The following PTPRD variants were observed in gnomAD, a reference collection of about 807,000 sequenced individuals.
PTPRD encodes protein tyrosine phosphatase receptor type D.
A neutral mutation model predicts 214.5 loss-of-function variants in PTPRD; 34 were observed. That is an observed-to-expected ratio of 0.16 (90% CI 0.12 to 0.21). PTPRD has a LOEUF of 0.21. Ranked by LOEUF, PTPRD falls within the 10% of genes least tolerant of loss-of-function variation. The pLI, the probability that PTPRD is intolerant of heterozygous loss-of-function variation, is 1.00. For missense variants in PTPRD, 2,545 were observed against 2,398.7 expected (o/e 1.06, Z -1.27); for synonymous variants, 1,128 against 845.7 (o/e 1.33, Z -5.79).
chr9:8,384,727 T>C (rs927109520), intron 37 of PTPRD, among the ~76,000 whole-genome samples: 2 of 152,150 alleles, frequency 1.3e-5, no homozygotes, highest in Non-Finnish European at 2.9e-5. Context: ...GGTTTTTCCT[T>C]GTTGGTCACG....
chr9:10,178,434 G>A (rs1479521671), intron 3 of PTPRD, among the ~76,000 whole-genome samples: 1 of 151,818 alleles, frequency 6.6e-6, no homozygotes, highest in Non-Finnish European at 1.5e-5. Flanking sequence ...AAAGAAGAGA[G>A]GAGCCAAATT....
intron 39 of PTPRD, among the ~76,000 whole-genome samples, chr9:8,345,279 C>T (rs1307420717): frequency 6.6e-6 from 1 of 152,036 alleles, no homozygotes; most frequent in African/African-American, 2.4e-5. Context: ...GGGAACTGCC[C>T]TGAAGTCCTA....
chr9:8,872,494 A>T (rs1397049871), intron 11 of PTPRD, among the ~76,000 whole-genome samples: 11 of 152,200 alleles, frequency 7.2e-5, no homozygotes, highest in Admixed American at 7.2e-4. Flanking sequence ...CACAATAAAG[A>T]AAACAGCTTT....
At chr9:9,515,189 A>G (rs1278465410) in intron 8 of PTPRD, among the ~76,000 whole-genome samples, 1 of 152,090 alleles carries the variant, frequency 6.6e-6, no homozygotes, top group African/African-American at 2.4e-5. Flanking sequence ...AGTCTTTTGT[A>G]AACACTTCAA....
chr9:9,721,530 A>T (rs933747412), intron 7 of PTPRD, among the ~76,000 whole-genome samples: 2 of 152,162 alleles, frequency 1.3e-5, no homozygotes, highest in African/African-American at 4.8e-5. Flanking sequence ...AGGATTTTTT[A>T]CTTTAATTCC....
At chr9:8,520,033 G>C (rs2097858001) in intron 20 of PTPRD, among the ~76,000 whole-genome samples, 2 of 152,126 alleles carry the variant, frequency 1.3e-5, no homozygotes, top group African/African-American at 4.8e-5. Flanking sequence ...AATGAAATTT[G>C]TTTAAATATT....
intron 12 of PTPRD, among the ~76,000 whole-genome samples, chr9:8,667,331 C>T (rs977196169): frequency 7.2e-5 from 11 of 152,158 alleles, no homozygotes; most frequent in Admixed American, 2.0e-4. Flanking sequence ...AAGAGCAAAA[C>T]GTCGTCTCTA....
chr9:8,951,714 C>T (rs1283711862), intron 11 of PTPRD, among the ~76,000 whole-genome samples: 1 of 151,990 alleles, frequency 6.6e-6, no homozygotes, highest in African/African-American at 2.4e-5. Flanking sequence ...CTTTCAGATA[C>T]AGTACATCCA....
chr9:9,980,847 T>C (rs987529970), intron 4 of PTPRD, among the ~76,000 whole-genome samples: 1 of 106,534 alleles, frequency 9.4e-6, no homozygotes, highest in African/African-American at 3.3e-5. Flanking sequence ...GGAGTTTAAA[T>C]GTTCAAGCTT....
At chr9:10,270,143 A>G (rs80335615) in intron 3 of PTPRD, among the ~76,000 whole-genome samples, 12,538 of 152,234 alleles carry the variant, frequency 0.082, 848 homozygotes, top group African/African-American at 0.18. Flanking sequence ...GTCAACAAGT[A>G]TACATAAACT....
intron 2 of PTPRD, among the ~76,000 whole-genome samples, chr9:10,414,713 A>G (rs2098470635): frequency 6.6e-6 from 1 of 152,010 alleles, no homozygotes; most frequent in Non-Finnish European, 1.5e-5. Flanking sequence ...GATAGATGGG[A>G]TAAAGAAAAT....
At chr9:9,219,667 C>G (rs1160237517) in intron 9 of PTPRD, among the ~76,000 whole-genome samples, 2 of 152,128 alleles carry the variant, frequency 1.3e-5, no homozygotes, top group Non-Finnish European at 2.9e-5. Flanking sequence ...GTATCAACAC[C>G]AAACTTGATT....
chr9:9,874,397 T>C (rs113247409), intron 5 of PTPRD, among the ~76,000 whole-genome samples: 2,322 of 152,202 alleles, frequency 0.015, 24 homozygotes, highest in South Asian at 0.033. Context: ...ATACAGGATA[T>C]CAATATTATA....
intron 2 of PTPRD, among the ~76,000 whole-genome samples, chr9:10,470,001 G>C (rs895014224): frequency 1.3e-5 from 2 of 151,972 alleles, no homozygotes; most frequent in African/African-American, 4.8e-5. Context: ...CAGAGGCTGG[G>C]TAGGGTATTT....
chr9:9,931,896 C>T (rs530709932), intron 5 of PTPRD, among the ~76,000 whole-genome samples: 53 of 151,152 alleles, frequency 3.5e-4, no homozygotes, highest in African/African-American at 1.1e-3. Flanking sequence ...GGGCAGACTG[C>T]CTCCTCAAGT....
At chr9:9,388,318 A>C (rs12353368) in intron 9 of PTPRD, among the ~76,000 whole-genome samples, 8,617 of 152,062 alleles carry the variant, frequency 0.057, 772 homozygotes, top group African/African-American at 0.19. Context: ...CCTGTCCTCA[A>C]CTAGGTCTGT....
intron 12 of PTPRD, among the ~76,000 whole-genome samples, chr9:8,728,091 C>G (rs1417854272): frequency 6.6e-6 from 1 of 151,484 alleles, no homozygotes; most frequent in African/African-American, 2.4e-5. Flanking sequence ...CTACTAAAAA[C>G]ACAAAAAAAT....
At chr9:10,455,617 T>A (rs2098907370) in intron 2 of PTPRD, among the ~76,000 whole-genome samples, 2 of 151,758 alleles carry the variant, frequency 1.3e-5, no homozygotes, top group South Asian at 4.1e-4. Flanking sequence ...TCTCTCCCCT[T>A]TTGTCTCTCC....
At chr9:9,220,779 A>G (rs529879735) in intron 9 of PTPRD, among the ~76,000 whole-genome samples, 1 of 152,110 alleles carries the variant, frequency 6.6e-6, no homozygotes, top group Admixed American at 6.6e-5. Context: ...TCACAAAATC[A>G]GTTTGTCCCC....
Sources: gnomAD v4.1 joint callset for allele counts (sites outside exome capture counted in the v4.1 genomes callset) on GRCh38, gnomAD v4.1.1 for gene constraint, MANE v1.5 for transcripts, NCBI Gene and HGNC (gene_info 2026-07-23, HGNC 2026-07-21) for gene names.